HMCN1: variants seen among roughly 807,000 people sequenced by gnomAD.
The protein encoded by HMCN1 is hemicentin 1.
HMCN1 carries 321 observed loss-of-function variants against 625.9 expected under a neutral mutation model. The ratio of observed to expected loss-of-function variants is 0.51; its 90% CI spans 0.47 to 0.56. The LOEUF (loss-of-function observed/expected upper bound fraction) is 0.56, where lower values mean the gene tolerates loss of function less well. Ranked by LOEUF, HMCN1 falls within the 20% of genes least tolerant of loss-of-function variation. The pLI, the probability that HMCN1 is intolerant of heterozygous loss-of-function variation, is 0.00. For synonymous variants in HMCN1, 2,425 were observed against 2,417.6 expected (o/e 1.00, Z -0.09); for missense variants, 6,588 against 6,887.3 (o/e 0.96, Z 1.54).
Position 185,984,238 on chromosome 1 carries a change from G to T in HMCN1, c.2860G>T (p.Asp954Tyr). The T allele has an allele frequency of 6.2e-7, 1 of 1,613,586 alleles. No homozygotes were observed. Among genetic ancestry groups the T allele is most frequent in the Non-Finnish European group, 8.5e-7 (1 of 1,179,612 alleles). ...CCATATTGAAAGAGTTCAGCTTCAG[G>T]ATGGTGGTGAATATACTTGTGTGGC... ...SLHIERVQLQ[D>Y]GGEYTCVASN... is the part of the protein sequence containing the mutation. The change falls in exon 19 of 107, where the codon GAT becomes TAT. Residue 954 changes from aspartate to tyrosine, a missense_variant. Transcript: ENST00000271588.
At chr1:185,860,528 G>A (rs1222429559) in intron 2 of HMCN1, among the ~76,000 whole-genome samples, 1 of 151,896 alleles carries the variant, frequency 6.6e-6, no homozygotes, top group Non-Finnish European at 1.5e-5. Flanking sequence ...CAGGCTGGAA[G>A]GGAATTCCTG....
Position 186,086,280 on chromosome 1 carries a change from T to G in HMCN1, c.8919T>G (p.Asn2973Lys). ...PPSVIGPKSE[N>K]LTVVVNNFIS... The stretch of plus-strand genomic sequence containing the variant: ...GTGTCATTGGTCCTAAATCTGAAAA[T>G]CTTACCGTCGTGGTGAACAATTTCA... The change falls in exon 58 of 107, where the codon AAT becomes AAG. Residue 2973 changes from asparagine to lysine, a missense_variant. By Grantham distance (94) the Asn-to-Lys change is moderately conservative. Around this residue, in one of 3 missense-constraint regions of HMCN1, gnomAD observed 4,628 missense variants for 4,853.1 expected, o/e 0.95. Transcript: ENST00000271588. The G allele has an allele frequency of 1.9e-6, 3 of 1,613,094 alleles. No homozygotes were observed. Among genetic ancestry groups the G allele is most frequent in the Non-Finnish European group, 2.5e-6 (3 of 1,179,314 alleles).
intron 104 of HMCN1, among the ~76,000 whole-genome samples, chr1:186,179,267 T>C (rs1262989572): frequency 1.3e-5 from 2 of 152,204 alleles, no homozygotes; most frequent in Non-Finnish European, 2.9e-5. Flanking sequence ...TTGATTATTG[T>C]GTATGTTTGT....
chr1:185,981,101 A>C, intron 17 of HMCN1, 28 bp downstream of exon 17: 1 of 1,305,808 alleles, frequency 7.7e-7, no homozygotes, highest in Non-Finnish European at 1.1e-6. Context: ...TCTACATACC[A>C]TGGTCTTCAA....
chr1:185,930,797 G>A (rs1667505415), intron 10 of HMCN1, among the ~76,000 whole-genome samples: 1 of 151,966 alleles, frequency 6.6e-6, no homozygotes, highest in Non-Finnish European at 1.5e-5. Context: ...TAAAACTGCA[G>A]AAGCATGAAA....
At chr1:185,800,462 G>A (rs1658720111) in intron 1 of HMCN1, among the ~76,000 whole-genome samples, 2 of 152,114 alleles carry the variant, frequency 1.3e-5, no homozygotes, top group South Asian at 4.1e-4. Context: ...CATCTGTTTA[G>A]TCTTTAGCAT....
intron 55 of HMCN1, among the ~76,000 whole-genome samples, chr1:186,078,592 C>T (rs982250145): frequency 3.9e-5 from 6 of 152,172 alleles, no homozygotes; most frequent in African/African-American, 1.4e-4. Context: ...GGAGGGGGAT[C>T]CCCTTGGATA....
intron 10 of HMCN1, among the ~76,000 whole-genome samples, chr1:185,931,514 C>CATGT (rs1292339181): frequency 6.6e-6 from 1 of 152,108 alleles, no homozygotes. Flanking sequence ...CTCATCCGCT[C>CATGT]ATGTATGTTA....
At chr1:185,891,517 A>G (rs945782074) in intron 4 of HMCN1, among the ~76,000 whole-genome samples, 2 of 147,110 alleles carry the variant, frequency 1.4e-5, no homozygotes, top group Non-Finnish European at 2.9e-5. Flanking sequence ...TCGTGACAAA[A>G]TCTCTCAGCA....
chr1:186,159,776 G>A (rs547731566), intron 97 of HMCN1, among the ~76,000 whole-genome samples: 13 of 152,320 alleles, frequency 8.5e-5, no homozygotes, highest in African/African-American at 3.1e-4. Flanking sequence ...AAGCCCACTT[G>A]ATCATGGTGG....
chr1:186,145,724 AAC>A (rs1650277313), intron 92 of HMCN1, 27 bp from the exon 93 acceptor site: 1 of 1,611,318 alleles, frequency 6.2e-7, no homozygotes, highest in Non-Finnish European at 8.5e-7. Context: ...CCAATTTCTT[AAC>A]AGTGACCATT....
chr1:185,756,821 A>G (rs1479152789), intron 1 of HMCN1, among the ~76,000 whole-genome samples: 2 of 151,604 alleles, frequency 1.3e-5, no homozygotes, highest in Non-Finnish European at 1.5e-5. Context: ...AGTTTCTGCT[A>G]TTGTCCAATG....
rs183219404 is a variant in HMCN1, at chr1:185,857,942, G to A, written c.340-6528G>A. 5.0e-3 allele frequency among the ~76,000 whole-genome samples: 756 copies of A among 152,250 alleles called. 3 individuals are homozygous for A. The highest frequency in any genetic ancestry group is 9.4e-3 in the Non-Finnish European group (642 of 67,994). On this transcript the variant is annotated intron_variant, in intron 2 of 106. Transcript: ENST00000271588. ...TAGAAGAATGGAATTTTCTTCCTCTGATTATACAGTGTCTCTGAAAGCTAC... is the reference window on the plus strand; with the variant it reads ...TAGAAGAATGGAATTTTCTTCCTCTAATTATACAGTGTCTCTGAAAGCTAC...
intron 4 of HMCN1, among the ~76,000 whole-genome samples, chr1:185,874,152 A>T (rs1350502923): frequency 6.6e-6 from 1 of 152,030 alleles, no homozygotes; most frequent in African/African-American, 2.4e-5. Context: ...CTTATTTTAA[A>T]TATTTCTGTA....
chr1:186,045,904 A>G, intron 41 of HMCN1, 41 bp downstream of exon 41: 1 of 1,449,736 alleles, frequency 6.9e-7, no homozygotes, highest in East Asian at 2.3e-5. Context: ...ATGTTATTAG[A>G]AGTTCATGGT....
In HMCN1 at chr1:186,132,428, CTAAT is replaced by C; in HGVS notation, c.13312+23_13312+26del. Reference sequence around the variant, plus strand: ...CTGCAAAGTAAGCTGCTTAATGAAACTAATTAAACACTTGATTTAGGAAATATTA... The same window carrying C: ...CTGCAAAGTAAGCTGCTTAATGAAACTAAACACTTGATTTAGGAAATATTA... On this transcript the variant is annotated intron_variant, in intron 86 of 106. Transcript: ENST00000271588. 1.3e-6 allele frequency: 2 copies of C among 1,554,258 alleles called. No homozygotes were observed.
chr1:185,847,687 C>T (rs183813893), intron 2 of HMCN1, among the ~76,000 whole-genome samples: 35 of 152,246 alleles, frequency 2.3e-4, no homozygotes, highest in East Asian at 7.7e-4. Flanking sequence ...CAGTAGCTCA[C>T]GCCTGTAATC....
chr1:186,111,030 G>C (rs947560545), intron 71 of HMCN1, among the ~76,000 whole-genome samples: 1 of 127,358 alleles, frequency 7.9e-6, no homozygotes, highest in Admixed American at 9.4e-5. Flanking sequence ...GCCCAGGTTG[G>C]CATGCAGTGG....
chr1:186,117,713 G>C (rs544947519), intron 77 of HMCN1, 90 bp downstream of exon 77: 3 of 1,247,792 alleles, frequency 2.4e-6, no homozygotes, highest in Non-Finnish European at 3.5e-6. Flanking sequence ...CAGAATAAAA[G>C]AATAAAATAT....
Sources: allele counts gnomAD v4.1 joint callset (sites outside exome capture counted in the v4.1 genomes callset), GRCh38; gene constraint gnomAD v4.1.1; regional missense constraint gnomAD v4.1.1; transcripts MANE v1.5; gene names NCBI Gene and HGNC (gene_info 2026-07-23, HGNC 2026-07-21).